The following TCERG1L variants were observed in gnomAD, a reference collection of about 807,000 sequenced individuals.
TCERG1L encodes the protein transcription elongation regulator 1-like protein.
A neutral mutation model predicts 56.3 loss-of-function variants in TCERG1L; 37 were observed. That is an observed-to-expected ratio of 0.66 (90% CI 0.51 to 0.87). TCERG1L has a LOEUF of 0.87. Ranked by LOEUF, TCERG1L falls within the 40% of genes least tolerant of loss-of-function variation. The pLI, the probability that TCERG1L is intolerant of heterozygous loss-of-function variation, is 0.00. For synonymous variants in TCERG1L, 324 were observed against 326.3 expected, an observed-to-expected ratio of 0.99 and a Z score of 0.08; for missense variants, 799 against 774.2, an observed-to-expected ratio of 1.03 and a Z score of -0.38.
At chr10:131,126,182 C>T (rs1845563719) in intron 8 of TCERG1L, among the ~76,000 whole-genome samples, 1 of 152,246 alleles carries the variant, frequency 6.6e-6, no homozygotes, top group Non-Finnish European at 1.5e-5. Flanking sequence ...CAGACAGGCC[C>T]TACCGTGGCT....
At chr10:131,187,471 A>T (rs1166536854) in intron 4 of TCERG1L, among the ~76,000 whole-genome samples, 3 of 152,258 alleles carry the variant, frequency 2.0e-5, no homozygotes, top group Non-Finnish European at 2.9e-5. Context: ...CTCTGCTGCT[A>T]TCCAAACAGG....
chr10:131,115,379 G>T (rs1470896381), intron 9 of TCERG1L, among the ~76,000 whole-genome samples: 1 of 143,892 alleles, frequency 6.9e-6, no homozygotes, highest in East Asian at 2.0e-4. Context: ...GGAAGCCCCA[G>T]GGGCAGAAGA....
chr10:131,175,678 C>A (rs1293206012), intron 4 of TCERG1L, among the ~76,000 whole-genome samples: 1 of 152,220 alleles, frequency 6.6e-6, no homozygotes, highest in East Asian at 1.9e-4. Context: ...GCAAAAGAGA[C>A]ATATTAAACC....
intron 3 of TCERG1L, among the ~76,000 whole-genome samples, chr10:131,280,317 A>T (rs1472698895): frequency 6.6e-6 from 1 of 151,954 alleles, no homozygotes; most frequent in Non-Finnish European, 1.5e-5. Flanking sequence ...GTTGGCCCTA[A>T]GCCATTCCCA....
chr10:131,311,505 G>A lies in TCERG1L; in HGVS notation c.131C>T (p.Pro44Leu). The A allele has an allele frequency of 1.7e-6, 2 of 1,210,206 alleles. No homozygotes were observed. Among genetic ancestry groups the A allele is most frequent in the Non-Finnish European group, 2.1e-6 (2 of 970,622 alleles). The allele number at this position is 1,210,206 out of a possible 1,614,324, so 75.0% of individuals were successfully genotyped here. ...GAGCCGGAGCAGCCCGGCCGAGCCC[G>A]GCACCATCCAGACCCAGGGCGGCGG... ...PPPPPWVWMV[P>L]GSAGLLRLSA... is the part of the protein sequence containing the mutation. The change falls in exon 1 of 12, where the codon CCG (proline) becomes CTG (leucine). Residue 44 changes from proline (P) to leucine (L), a missense_variant. Coordinates refer to ENST00000368642, the MANE Select transcript of TCERG1L (RefSeq NM_174937.4). This position sits in a 1 kb window ranked among gnomAD's most constrained non-coding sequence, Gnocchi z 4.0.
intron 3 of TCERG1L, among the ~76,000 whole-genome samples, chr10:131,271,441 A>G (rs1001799913): frequency 1.3e-5 from 2 of 152,130 alleles, no homozygotes; most frequent in Admixed American, 6.5e-5. Context: ...GTGCCCACAG[A>G]AGGCACGTGG....
intron 3 of TCERG1L, among the ~76,000 whole-genome samples, chr10:131,264,979 T>C (rs1371737725): frequency 1.3e-5 from 2 of 152,190 alleles, no homozygotes; most frequent in Non-Finnish European, 1.5e-5. Flanking sequence ...CGACATGTCC[T>C]CCGACTTCAG....
intron 4 of TCERG1L, among the ~76,000 whole-genome samples, chr10:131,257,833 C>T (rs1846189441): frequency 6.6e-6 from 1 of 152,188 alleles, no homozygotes; most frequent in Admixed American, 6.5e-5. Context: ...ACGTGGAGCT[C>T]TGAGGTTACT....
At chr10:131,127,887 C>G (rs1047789632) in intron 8 of TCERG1L, among the ~76,000 whole-genome samples, 1 of 152,112 alleles carries the variant, frequency 6.6e-6, no homozygotes, top group Non-Finnish European at 1.5e-5. Flanking sequence ...CCACATACCA[C>G]TACCAAGACC....
At chr10:131,139,926 G>T (rs7923466) in intron 7 of TCERG1L, among the ~76,000 whole-genome samples, 18,342 of 152,214 alleles carry the variant, frequency 0.12, 1,477 homozygotes, top group Non-Finnish European at 0.18. Flanking sequence ...AGGGAATGTG[G>T]CTGGCTGCAT....
At chr10:131,205,364 T>TAAAAAAAAAAA (rs67880177) in intron 4 of TCERG1L, among the ~76,000 whole-genome samples, 1 of 141,172 alleles carries the variant, frequency 7.1e-6, no homozygotes. Context: ...TCTCCTAATG[T>TAAAAAAAAAAA]AAAAAAAAAA....
In TCERG1L at chr10:131,311,158, G is replaced by T. The variant is rs1271762489; in HGVS notation, c.342+136C>A. ...CGCCGAGGCACGGCTGCCGGGCTCC[G>T]TCCTGAGGGTTTGGGGCGGCGAGGA... On this transcript the variant is annotated intron_variant, in intron 1 of 11. Coordinates refer to ENST00000368642, the MANE Select transcript of TCERG1L (RefSeq NM_174937.4). The surrounding 1 kb of genome is among the most constrained non-coding windows in gnomAD (Gnocchi z 4.0). 6 of 660,482 alleles carry T rather than the reference G, an allele frequency of 9.1e-6. No homozygotes were observed. In the African/African-American group the frequency reaches 1.2e-4, roughly 13 times the overall value. 40.9% of individuals were successfully genotyped at this position (660,482 alleles called of 1,614,324 possible). A position where few individuals can be genotyped will look rare whatever the true frequency, so the allele number is the denominator to read the frequency against.
chr10:131,277,113 G>A (rs909452680), intron 3 of TCERG1L, among the ~76,000 whole-genome samples: 3 of 152,210 alleles, frequency 2.0e-5, no homozygotes, highest in Admixed American at 1.3e-4. Context: ...TGGGGACTGA[G>A]GAAAACAACA....
intron 8 of TCERG1L, among the ~76,000 whole-genome samples, chr10:131,129,060 T>C (rs558229920): frequency 1.4e-4 from 21 of 152,060 alleles, no homozygotes; most frequent in Non-Finnish European, 1.5e-4. Flanking sequence ...TTGTAAAAAA[T>C]CTCTTGCTTC....
rs1589775226 is a variant in TCERG1L at position 131,104,354 on chromosome 10, C to T, written c.1396G>A (p.Val466Ile). 6.5e-7 allele frequency: 1 copy of T among 1,536,882 alleles called. No individual in the cohort carries two copies. The highest frequency in any genetic ancestry group is 8.8e-7 in the Non-Finnish European group (1 of 1,133,858). ...HFRDMLLERG[V>I]SAFSTWEKEL... ...TTCTCCCAGGTAGAAAATGCTGATA[C>T]CTAAAGAAAGATATTCAATAGAGTT... Residue 466 changes from valine to isoleucine, a missense_variant and splice_region_variant, in exon 10 of 12, where the codon GTA (valine) becomes ATA (isoleucine). By Grantham distance (29) the Val-to-Ile change is conservative. Coordinates refer to ENST00000368642, the MANE Select transcript of TCERG1L (RefSeq NM_174937.4).
intron 3 of TCERG1L, among the ~76,000 whole-genome samples, chr10:131,275,896 C>A (rs576551611): frequency 6.6e-6 from 1 of 152,270 alleles, no homozygotes; most frequent in East Asian, 1.9e-4. Context: ...GACGCCTGGG[C>A]ATGACAACGT....
chr10:131,195,597 C>A (rs919699837), intron 4 of TCERG1L, among the ~76,000 whole-genome samples: 1 of 152,110 alleles, frequency 6.6e-6, no homozygotes, highest in Non-Finnish European at 1.5e-5. Context: ...GGATGGGAGG[C>A]CTCTTTCTCC....
At position 131,146,662 on chromosome 10, in the gene TCERG1L, T is replaced by A; in HGVS notation, c.1035-2A>T. ...TCATCGCCCGTCCAGACCACACACC[T>A]GTTTGAGTGGAAAAACTCATCTCAG... On this transcript the variant is annotated splice_acceptor_variant, in intron 6 of 11. Coordinates refer to ENST00000368642, the MANE Select transcript of TCERG1L (RefSeq NM_174937.4). LOFTEE classifies it high-confidence loss of function. 6.2e-7 allele frequency: 1 copy of A among 1,606,696 alleles called. No homozygotes were observed. The highest frequency in any genetic ancestry group is 2.2e-5 in the East Asian group (1 of 44,786).
chr10:131,298,263 T>G (rs768236435), intron 3 of TCERG1L, among the ~76,000 whole-genome samples: 2 of 152,188 alleles, frequency 1.3e-5, no homozygotes, highest in African/African-American at 4.8e-5. Context: ...TTTCATTCTA[T>G]TCAAAATATT....
Sources: allele counts gnomAD v4.1 joint callset (sites outside exome capture counted in the v4.1 genomes callset), GRCh38; gene constraint gnomAD v4.1.1; non-coding constraint Gnocchi (gnomAD v3.1); transcripts MANE v1.5; gene names NCBI Gene and HGNC (gene_info 2026-07-23, HGNC 2026-07-21).